FBLN1: variants seen among roughly 807,000 people sequenced by gnomAD.
FBLN1 encodes fibulin-1.
Under a neutral mutation model 89.7 loss-of-function variants are expected in FBLN1, and 34 were observed. That is an observed-to-expected ratio of 0.38 (90% CI 0.29 to 0.50). FBLN1 has a LOEUF of 0.50. FBLN1 is among the 20% of genes least tolerant of loss of function. The pLI is 0.92. For missense variants in FBLN1, 777 were observed against 988.1 expected (o/e 0.79, Z 2.86); for synonymous variants, 393 against 391.3 (o/e 1.00, Z -0.05).
intron 14 of FBLN1, among the ~76,000 whole-genome samples, chr22:45,570,318 T>A (rs1602217266): frequency 1.8e-4 from 3 of 16,416 alleles, no homozygotes; most frequent in Non-Finnish European, 2.2e-4. Context: ...AGACTCTGTC[T>A]CAAAAAAAAA....
chr22:45,553,883 C>T (rs1290773599), intron 14 of FBLN1, among the ~76,000 whole-genome samples: 1 of 152,210 alleles, frequency 6.6e-6, no homozygotes, highest in Non-Finnish European at 1.5e-5. Flanking sequence ...GGTTAGTACC[C>T]GCCATGCTGA....
chr22:45,569,642 A>G (rs867827772), intron 14 of FBLN1, among the ~76,000 whole-genome samples: 2 of 149,740 alleles, frequency 1.3e-5, no homozygotes, highest in Admixed American at 6.7e-5. Flanking sequence ...CTGTCTCAAA[A>G]AAGAAGAAGA....
At chr22:45,506,952 A>G (rs6007066) in intron 1 of FBLN1, among the ~76,000 whole-genome samples, 4,139 of 152,308 alleles carry the variant, frequency 0.027, 182 homozygotes, top group African/African-American at 0.095. Context: ...AGCAAATCAT[A>G]ACAATTTGAT....
intron 16 of FBLN1, among the ~76,000 whole-genome samples, chr22:45,598,637 T>C (rs9626404): frequency 0.013 from 2,034 of 152,290 alleles, 43 homozygotes; most frequent in African/African-American, 0.047. Context: ...CAGAGCGTGG[T>C]GCATACCTTT....
chr22:45,576,869 G>A lies in FBLN1; in HGVS notation c.1841-108G>A. The A allele has an allele frequency of 7.4e-7, 1 of 1,349,716 alleles. No homozygotes were observed. Among genetic ancestry groups the A allele is most frequent in the Non-Finnish European group, 1.0e-6 (1 of 963,136 alleles). 83.6% of individuals were successfully genotyped at this position (1,349,716 alleles called of 1,614,324 possible). On this transcript the variant is annotated intron_variant, in intron 15 of 16. Transcript: ENST00000327858. This position sits in a 1 kb window ranked among gnomAD's most constrained non-coding sequence, Gnocchi z 5.2. Reference sequence around the variant, plus strand: ...TTCATTGATGTTGTCTCATGAAAGGGCCCTGGGTTAGGTCTTCATTCCCCA... The same window carrying A: ...TTCATTGATGTTGTCTCATGAAAGGACCCTGGGTTAGGTCTTCATTCCCCA...
chr22:45,570,645 G>C (rs756572236), intron 14 of FBLN1, among the ~76,000 whole-genome samples: 6 of 152,088 alleles, frequency 3.9e-5, no homozygotes, highest in Non-Finnish European at 8.8e-5. Flanking sequence ...TTAGATAATA[G>C]GACTCCCTGC....
chr22:45,553,558 G>A (rs1048255801), intron 14 of FBLN1, among the ~76,000 whole-genome samples: 3 of 152,222 alleles, frequency 2.0e-5, no homozygotes, highest in African/African-American at 4.8e-5. Context: ...TGAGTAGAGC[G>A]AAGTACGATC....
At position 45,533,844 on chromosome 22, in the gene FBLN1, C is replaced by T. The variant is rs549459139; in HGVS notation, c.730C>T (p.Arg244Trp). 15 of 1,614,038 alleles carry T rather than the reference C, an allele frequency of 9.3e-6. No homozygotes were observed. Among genetic ancestry groups the T allele is most frequent in the Admixed American group, 8.3e-5 (5 of 60,024 alleles). The change falls in exon 7 of 17, where the codon CGG (arginine) becomes TGG (tryptophan). Residue 244 changes from arginine to tryptophan, a missense_variant. Physicochemically the swap from Arg to Trp is moderately radical, Grantham distance 101. Transcript: ENST00000327858. ...INTVGSFRCQRDSSCGTGYEL... is the reference protein window; with the variant it reads ...INTVGSFRCQWDSSCGTGYEL... ...CACAGTGGGCTCTTTCCGCTGCCAG[C>T]GGGACAGCAGCTGCGGGACTGGCTA...
rs1569260429 is a variant in FBLN1 at position 45,568,783 on chromosome 22, TCC to T, written c.1698-5727_1698-5726del. ...TGCTCCTTCTGTAAGGGAATGCTCCTCCTGTAAGGGAATGCCTCTTCTGTAGG... is the reference window on the plus strand; with the variant it reads ...TGCTCCTTCTGTAAGGGAATGCTCCTTGTAAGGGAATGCCTCTTCTGTAGG... On this transcript the variant is annotated intron_variant, in intron 14 of 16. Coordinates refer to ENST00000327858, the MANE Select transcript of FBLN1 (RefSeq NM_006486.3). Among the ~76,000 whole-genome samples, 18 of 125,492 alleles carry T rather than the reference TCC, an allele frequency of 1.4e-4. 5 individuals carry two copies. The highest frequency in any genetic ancestry group is 5.9e-4 in the African/African-American group (18 of 30,480). 82.3% of individuals were successfully genotyped at this position (125,492 alleles called of 152,430 possible).
At chr22:45,520,804 T>C (rs1277839171) in intron 2 of FBLN1, among the ~76,000 whole-genome samples, 1 of 152,052 alleles carries the variant, frequency 6.6e-6, no homozygotes, top group African/African-American at 2.4e-5. Context: ...CTTTGGTAAA[T>C]TTTGGAGTTA....
chr22:45,517,335 T>A, intron 1 of FBLN1: 1 of 328,048 alleles, frequency 3.0e-6, no homozygotes, highest in Non-Finnish European at 6.0e-6. Flanking sequence ...TTCTGGCATT[T>A]GAGTCCTTTA....
Position 45,556,939 on chromosome 22 carries a change from G to A in FBLN1, c.1697+6324G>A, listed in dbSNP as rs772269143. ...TTTCCACCCTTGGATGCCTGGACCC[G>A]TGAATCCTGGCTATGGGAGAAACAG... is the stretch of plus-strand genomic sequence containing the variant. On this transcript the variant is annotated intron_variant, in intron 14 of 16. Transcript: ENST00000327858. This position sits in a 1 kb window ranked among gnomAD's most constrained non-coding sequence, Gnocchi z 4.6. 5.8e-4 allele frequency among the ~76,000 whole-genome samples: 89 copies of A among 152,212 alleles called. No individual in the cohort carries two copies. Among genetic ancestry groups the A allele is most frequent in the African/African-American group, 2.0e-3 (82 of 41,508 alleles).
rs2088787049 is a variant in FBLN1, at chr22:45,556,280, G to A, written c.1697+5665G>A. Among the ~76,000 whole-genome samples, 1 of 152,188 alleles carries A rather than the reference G, an allele frequency of 6.6e-6. No homozygotes were observed. The highest frequency in any genetic ancestry group is 1.5e-5 in the Non-Finnish European group (1 of 68,034). On this transcript the variant is annotated intron_variant, in intron 14 of 16. Transcript: ENST00000327858. This position sits in a 1 kb window ranked among gnomAD's most constrained non-coding sequence, Gnocchi z 4.6. ...CAAAATGCTGGGATTACAGTCGTGA[G>A]CCACAGCACCTGGCCATGTTTTTAA... is the stretch of plus-strand genomic sequence containing the variant.
rs893296040 is a variant in FBLN1, at chr22:45,536,051, T to A, written c.922+714T>A. Among the ~76,000 whole-genome samples the A allele has an allele frequency of 1.3e-5, 2 of 152,194 alleles. No homozygotes were observed. Among genetic ancestry groups the A allele is most frequent in the African/African-American group, 4.8e-5 (2 of 41,440 alleles). On this transcript the variant is annotated intron_variant, in intron 8 of 16. Transcript: ENST00000327858. This position sits in a 1 kb window ranked among gnomAD's most constrained non-coding sequence, Gnocchi z 5.1. ...TTAGCTGGGTGTAGTGGCGCATGCC[T>A]ACAGTCCCAGCTACTTGGGAGGCTG...
intron 16 of FBLN1, 102 bp from the exon 17 acceptor site, chr22:45,600,205 C>A: frequency 7.1e-7 from 1 of 1,415,506 alleles, no homozygotes; most frequent in African/African-American, 1.4e-5. Flanking sequence ...GAGGTCTATG[C>A]CTCCTTCTAG....
rs866088269 is a variant in FBLN1 at position 45,583,507 on chromosome 22, G to C, written c.1972+6399G>C. ...ATGTGAAAGCTCCCAGCAGTGCCTG[G>C]CACACAGTGGGTGCACAGGATGTAA... On this transcript the variant is annotated intron_variant, in intron 16 of 16. Coordinates refer to ENST00000327858, the MANE Select transcript of FBLN1 (RefSeq NM_006486.3). The surrounding 1 kb of genome is among the most constrained non-coding windows in gnomAD (Gnocchi z 4.5). Among the ~76,000 whole-genome samples the C allele has an allele frequency of 1.3e-5, 2 of 152,208 alleles. No individual in the cohort carries two copies. Among genetic ancestry groups the C allele is most frequent in the Admixed American group, 6.5e-5 (1 of 15,276 alleles).
chr22:45,521,148 C>T (rs1204407799), intron 2 of FBLN1, among the ~76,000 whole-genome samples: 3 of 152,136 alleles, frequency 2.0e-5, no homozygotes, highest in African/African-American at 7.2e-5. Context: ...TCCATTGAGT[C>T]CCAGAGGACA....
At position 45,600,613 on chromosome 22, in the gene FBLN1, A is replaced by G; in HGVS notation, c.*167A>G. The G allele has an allele frequency of 1.2e-6, 1 of 805,048 alleles. No homozygotes were observed. Among genetic ancestry groups the G allele is most frequent in the East Asian group, 2.6e-5 (1 of 38,968 alleles). The allele number at this position is 805,048 out of a possible 1,614,324, so 49.9% of individuals were successfully genotyped here. A position where few individuals can be genotyped will look rare whatever the true frequency, so the allele number is the denominator to read the frequency against. ...CCAGATGAATAAGTCCATCTGATGT[A>G]TTTTCGGTGTTTAAAAAATGAGCCC... On this transcript the variant is annotated 3_prime_UTR_variant, in exon 17 of 17. Transcript: ENST00000327858.
chr22:45,533,810 C>T lies in FBLN1; in HGVS notation c.696C>T (p.Ser232=), dbSNP rs1327149127. 6.2e-7 allele frequency: 1 copy of T among 1,613,916 alleles called. No homozygotes were observed. Among genetic ancestry groups the T allele is most frequent in the African/African-American group, 1.3e-5 (1 of 75,080 alleles). Residue 232 remains serine, a synonymous_variant, in exon 7 of 17, where the codon TCC becomes TCT. Coordinates refer to ENST00000327858, the MANE Select transcript of FBLN1 (RefSeq NM_006486.3). ...TGSHSCRLGE[S]CINTVGSFRC... ...GCCACAGCTGCCGGCTTGGAGAATC[C>T]TGCATCAACACAGTGGGCTCTTTCC...
Sources: gnomAD v4.1 joint callset for allele counts (sites outside exome capture counted in the v4.1 genomes callset) on GRCh38, gnomAD v4.1.1 for gene constraint, Gnocchi (gnomAD v3.1) non-coding constraint, MANE v1.5 for transcripts, NCBI Gene and HGNC (gene_info 2026-07-23, HGNC 2026-07-21) for gene names.